The following TNC variants were observed in gnomAD, a reference collection of about 807,000 sequenced individuals.
TNC encodes the protein tenascin C.
A neutral mutation model predicts 202.4 loss-of-function variants in TNC; 109 were observed. The observed-to-expected ratio is 0.54, with a 90% confidence interval of 0.46 to 0.63. The LOEUF is 0.63. TNC is among the 30% of genes least tolerant of loss of function. TNC has a pLI of 0.00. For synonymous variants in TNC, 1,007 were observed against 1,089.7 expected (o/e 0.92, Z 1.50); for missense variants, 2,756 against 2,833.3 (o/e 0.97, Z 0.62).
At chr9:115,116,957 T>G (rs1335169532) in intron 1 of TNC, among the ~76,000 whole-genome samples, 1 of 152,102 alleles carries the variant, frequency 6.6e-6, no homozygotes, top group Non-Finnish European at 1.5e-5. Context: ...ACTTCCAGAG[T>G]GATGGCAGTT....
Position 115,090,931 on chromosome 9 carries a change from G to A in TNC, c.88C>T (p.Arg30Trp), listed in dbSNP as rs149187112. The change falls in exon 2 of 28, where the codon CGG (arginine) becomes TGG (tryptophan). Residue 30 changes from arginine (R) to tryptophan (W), a missense_variant. By Grantham distance (101) the Arg-to-Trp change is moderately radical. Around this residue, in one of 2 missense-constraint regions of TNC, gnomAD observed 2,559 missense variants for 2,546.0 expected, o/e 1.01. Coordinates refer to ENST00000350763, the MANE Select transcript of TNC (RefSeq NM_002160.4). The part of the protein sequence containing the change: ...TEGGVLKKVI[R>W]HKRQSGVNAT... The stretch of plus-strand genomic sequence containing the variant: ...TTCACCCCACTCTGTCGCTTGTGCC[G>A]GATGACTTTCTTGAGGACCCCACCT... The A allele has an allele frequency of 2.9e-4, 466 of 1,613,956 alleles. 2 individuals carry two copies. The highest frequency in any genetic ancestry group is 2.2e-4 in the Non-Finnish European group (263 of 1,180,024).
At chr9:115,080,134 CT>C (rs1443257341) in intron 6 of TNC, among the ~76,000 whole-genome samples, 3 of 152,062 alleles carry the variant, frequency 2.0e-5, no homozygotes, top group African/African-American at 7.2e-5. Flanking sequence ...ATTTGTCCCC[CT>C]ATGTTGAAAT....
At chr9:115,047,363 C>A (rs769108814) in intron 16 of TNC, among the ~76,000 whole-genome samples, 6 of 151,436 alleles carry the variant, frequency 4.0e-5, no homozygotes, top group Non-Finnish European at 7.4e-5. Flanking sequence ...TTTCATCTTG[C>A]ATTGCCTTAA....
chr9:115,055,082 TG>T (rs1347345928), intron 15 of TNC, among the ~76,000 whole-genome samples: 2 of 90,792 alleles, frequency 2.2e-5, no homozygotes, highest in Non-Finnish European at 5.0e-5. Context: ...TCACCAGAAA[TG>T]GCATGCACAT....
Position 115,086,934 on chromosome 9 carries a change from C to A in TNC, c.797G>T (p.Gly266Val). Residue 266 changes from glycine to valine, a missense_variant, in exon 3 of 28, where the codon GGC becomes GTC. Coordinates refer to ENST00000350763, the MANE Select transcript of TNC (RefSeq NM_002160.4). ...CSEEHGTCVD[G>V]LCVCHDGFAG... The stretch of plus-strand genomic sequence containing the variant: ...AAAGCCATCGTGGCACACACACAAG[C>A]CATCTACACATGTGCCGTGCTCCTC... The A allele has an allele frequency of 1.9e-6, 3 of 1,613,212 alleles. No individual in the cohort carries two copies. Among genetic ancestry groups the A allele is most frequent in the Non-Finnish European group, 2.5e-6 (3 of 1,179,756 alleles).
chr9:115,027,796 T>C (rs937448399), intron 25 of TNC, among the ~76,000 whole-genome samples: 2 of 152,164 alleles, frequency 1.3e-5, no homozygotes, highest in Non-Finnish European at 2.9e-5. Context: ...TAGTGTTGAC[T>C]TAGGAGATTC....
In TNC at chr9:115,058,474, A is replaced by G. The variant is rs566730681; in HGVS notation, c.4307-1049T>C. On this transcript the variant is annotated intron_variant, in intron 14 of 27. Transcript: ENST00000350763. ...CACAAGATCTGCAGAAAAGATCAGA[A>G]GTGGTGGGTGATTACTTTGCCTTCT... Among the ~76,000 whole-genome samples, 10 of 152,360 alleles carry G rather than the reference A, an allele frequency of 6.6e-5. No homozygotes were observed. In the East Asian group the frequency reaches 1.9e-3, roughly 29 times the overall value.
intron 25 of TNC, among the ~76,000 whole-genome samples, chr9:115,027,249 G>A (rs1829574333): frequency 1.3e-5 from 2 of 152,198 alleles, no homozygotes; most frequent in African/African-American, 4.8e-5. Flanking sequence ...CAGTGCATTA[G>A]TGAAGATCCA....
intron 1 of TNC, among the ~76,000 whole-genome samples, chr9:115,108,737 G>C (rs1465196729): frequency 6.6e-6 from 1 of 152,150 alleles, no homozygotes; most frequent in African/African-American, 2.4e-5. Flanking sequence ...CAGAGTCTTT[G>C]GGAGGTACTT....
intron 16 of TNC, 130 bp from the exon 17 acceptor site, chr9:115,046,812 A>G: frequency 1.9e-6 from 2 of 1,033,058 alleles, no homozygotes; most frequent in South Asian, 3.3e-5. Flanking sequence ...GTGTCCTGAG[A>G]TACCAAAAAT....
At chr9:115,052,182 T>A (rs978721707) in intron 15 of TNC, among the ~76,000 whole-genome samples, 1 of 151,596 alleles carries the variant, frequency 6.6e-6, no homozygotes, top group African/African-American at 2.4e-5. Flanking sequence ...CCAGAAGACA[T>A]TGTACAGAGT....
At chr9:115,043,756 C>CAAAG (rs71492802) in intron 17 of TNC, among the ~76,000 whole-genome samples, 2 of 151,738 alleles carry the variant, frequency 1.3e-5, no homozygotes, top group African/African-American at 2.4e-5. Context: ...AACAAACAAA[C>CAAAG]AAAAAACAGT....
chr9:115,035,430 C>T, intron 21 of TNC, 96 bp from the exon 22 acceptor site: 1 of 1,332,362 alleles, frequency 7.5e-7, no homozygotes, highest in Non-Finnish European at 1.0e-6. Flanking sequence ...AAGTCCTTTC[C>T]CTACCACTGA....
At chr9:115,030,051 CA>C (rs1295626720) in intron 24 of TNC, among the ~76,000 whole-genome samples, 3 of 152,154 alleles carry the variant, frequency 2.0e-5, no homozygotes, top group Admixed American at 2.0e-4. Context: ...CTCCCCGTTT[CA>C]AAAAGTAGCC....
intron 7 of TNC, among the ~76,000 whole-genome samples, chr9:115,077,300 C>T (rs1434597308): frequency 1.5e-5 from 2 of 129,088 alleles, no homozygotes; most frequent in African/African-American, 5.2e-5. Flanking sequence ...TCGTGATTCG[C>T]CCGCCTTGGC....
chr9:115,111,741 A>C (rs1240651275), intron 1 of TNC, among the ~76,000 whole-genome samples: 1 of 152,100 alleles, frequency 6.6e-6, no homozygotes, highest in Non-Finnish European at 1.5e-5. Flanking sequence ...TTGTTAATGT[A>C]AATGGCCTTG....
At chr9:115,104,467 A>G (rs538555283) in intron 1 of TNC, among the ~76,000 whole-genome samples, 1 of 152,310 alleles carries the variant, frequency 6.6e-6, no homozygotes, top group East Asian at 1.9e-4. Flanking sequence ...AGGCATTGTG[A>G]TGGGAGAGAC....
rs1831370679 is a variant in TNC, at chr9:115,048,376, C to T, written c.4736G>A (p.Gly1579Glu). ...TCTAAGCTCCAGCTTCCTCTGGGTT[C>T]CTGAAAGTGTGAATTCCTGGGGGTC... is the stretch of plus-strand genomic sequence containing the variant. ...LLDPQEFTLS[G>E]TQRKLELRGL... Residue 1579 changes from glycine (G) to glutamate (E), a missense_variant, in exon 16 of 28, where the codon GGA becomes GAA. This residue lies in a region of TNC where 2,559 missense variants were observed against 2,546.0 expected (regional missense o/e 1.01). Coordinates refer to ENST00000350763, the MANE Select transcript of TNC (RefSeq NM_002160.4). 1.2e-6 allele frequency: 2 copies of T among 1,613,936 alleles called. No individual in the cohort carries two copies. Among genetic ancestry groups the T allele is most frequent in the South Asian group, 1.1e-5 (1 of 91,084 alleles).
intron 1 of TNC, among the ~76,000 whole-genome samples, chr9:115,106,913 T>C (rs1271182284): frequency 6.6e-6 from 1 of 152,108 alleles, no homozygotes; most frequent in Non-Finnish European, 1.5e-5. Context: ...TAATTCAGCA[T>C]ATGGCAGGAA....
Sources: gnomAD v4.1 joint callset for allele counts (sites outside exome capture counted in the v4.1 genomes callset) on GRCh38, gnomAD v4.1.1 for gene constraint, gnomAD v4.1.1 regional missense constraint, MANE v1.5 for transcripts, NCBI Gene and HGNC (gene_info 2026-07-23, HGNC 2026-07-21) for gene names.